Variants in PAPOLA observed in about 807,000 individuals in gnomAD.
PAPOLA encodes the protein poly(A) polymerase alpha.
A neutral mutation model predicts 100.6 loss-of-function variants in PAPOLA; 15 were observed. That is an observed-to-expected ratio of 0.15 (90% CI 0.10 to 0.23). The LOEUF (loss-of-function observed/expected upper bound fraction) is 0.23. Among genes scored for constraint, PAPOLA ranks in the 10% least tolerant of loss-of-function variants. PAPOLA has a pLI of 1.00. For synonymous variants in PAPOLA, 293 were observed against 300.0 expected, an observed-to-expected ratio of 0.98 and a Z score of 0.24; for missense variants, 533 against 884.2, an observed-to-expected ratio of 0.60 and a Z score of 5.04.
intron 7 of PAPOLA, 106 bp downstream of exon 7, chr14:96,531,692 A>T (rs1456747647): frequency 1.3e-6 from 2 of 1,523,472 alleles, no homozygotes; most frequent in Non-Finnish European, 1.8e-6. Context: ...TTGTTAACAC[A>T]GTAGTGAGTT....
intron 12 of PAPOLA, chr14:96,538,015 C>T (rs1213950413): frequency 6.6e-6 from 1 of 151,972 alleles, no homozygotes; most frequent in African/African-American, 2.4e-5. Context: ...ATAGCATAAT[C>T]ATTAAATACT....
intron 1 of PAPOLA, among the ~76,000 whole-genome samples, chr14:96,509,038 CTT>C (rs1471687615): frequency 2.0e-5 from 3 of 152,054 alleles, no homozygotes; most frequent in Non-Finnish European, 2.9e-5. Flanking sequence ...CAGTTGGAGT[CTT>C]TATTTATTTT....
In PAPOLA at chr14:96,535,860, T is replaced by C. The variant is rs756219196; in HGVS notation, c.910-19T>C. On this transcript the variant is annotated intron_variant, in intron 10 of 21. Transcript: ENST00000216277. ...TGCATATGTACTTGAAGAAACTGAT[T>C]GGCTGTTGTTGTATGTAGGTAAACC... 1 of 1,531,634 alleles carries C rather than the reference T, an allele frequency of 6.5e-7. No homozygotes were observed. The highest frequency in any genetic ancestry group is 2.0e-5 in the Admixed American group (1 of 50,756). The allele number at this position is 1,531,634 out of a possible 1,614,324, so 94.9% of individuals were successfully genotyped here.
intron 10 of PAPOLA, chr14:96,534,866 A>T (rs1899382398): frequency 2.8e-6 from 3 of 1,063,826 alleles, no homozygotes; most frequent in Admixed American, 4.9e-5. Flanking sequence ...TTTGTGCTTT[A>T]AAAAAAATAA....
At chr14:96,542,190 C>G in intron 12 of PAPOLA, 53 bp from the exon 13 acceptor site, 1 of 1,129,344 alleles carries the variant, frequency 8.9e-7, no homozygotes, top group African/African-American at 1.5e-5. Context: ...GGTTTAATAT[C>G]CAGCACAAAG....
rs1253650432 is a variant in PAPOLA at position 96,527,666 on chromosome 14, C to T, written c.441+127C>T. On this transcript the variant is annotated intron_variant, in intron 5 of 21. Transcript: ENST00000216277. ...TTGCCAAACCTTTCTAAACACTTGG[C>T]ATATGTGTTTGTGTTTTATTCTTTA... 7.9e-6 allele frequency: 5 copies of T among 633,162 alleles called. No homozygotes were observed. The East Asian group carries it at 1.1e-4, about 14-fold the overall frequency. The allele number at this position is 633,162 out of a possible 1,614,324, so 39.2% of individuals were successfully genotyped here.
At chr14:96,560,801 A>G (rs1034762193) in intron 20 of PAPOLA, 90 bp downstream of exon 20, 28 of 893,192 alleles carry the variant, frequency 3.1e-5, no homozygotes, top group African/African-American at 5.1e-5. Flanking sequence ...TTTTTGTGCT[A>G]TAGGTTTTAG....
At chr14:96,532,685 G>A in intron 9 of PAPOLA, 36 bp downstream of exon 9, 1 of 1,537,110 alleles carries the variant, frequency 6.5e-7, no homozygotes, top group Non-Finnish European at 8.7e-7. Context: ...AAAATTGATT[G>A]TAGACACTGA....
chr14:96,548,651 T>C (rs1258281408), intron 16 of PAPOLA, among the ~76,000 whole-genome samples: 1 of 152,180 alleles, frequency 6.6e-6, no homozygotes, highest in Non-Finnish European at 1.5e-5. Flanking sequence ...AAAAGGCACA[T>C]GTATGTATGT....
At chr14:96,527,034 G>C (rs1339494075) in intron 4 of PAPOLA, 2 of 158,654 alleles carry the variant, frequency 1.3e-5, no homozygotes, top group African/African-American at 4.8e-5. Context: ...TTAGGGGCCT[G>C]GTAGAGAACC....
intron 1 of PAPOLA, among the ~76,000 whole-genome samples, chr14:96,517,445 GTTTAT>G (rs1897558275): frequency 6.6e-6 from 1 of 152,074 alleles, no homozygotes; most frequent in African/African-American, 2.4e-5. Flanking sequence ...TAATGGATGC[GTTTAT>G]TACCTTGATT....
intron 6 of PAPOLA, among the ~76,000 whole-genome samples, chr14:96,531,079 T>C (rs891148017): frequency 6.6e-6 from 1 of 152,142 alleles, no homozygotes; most frequent in African/African-American, 2.4e-5. Flanking sequence ...CTCGGCTCAC[T>C]GCAGTTCTGC....
chr14:96,507,032 A>C (rs909305735), intron 1 of PAPOLA, among the ~76,000 whole-genome samples: 2 of 152,156 alleles, frequency 1.3e-5, no homozygotes, highest in Non-Finnish European at 2.9e-5. Flanking sequence ...TGGGAGGATT[A>C]TTTGAGCTTA....
chr14:96,521,150 C>A, intron 3 of PAPOLA, 78 bp downstream of exon 3: 2 of 746,496 alleles, frequency 2.7e-6, no homozygotes, highest in South Asian at 3.0e-5. Flanking sequence ...ATAACCTGTT[C>A]TTATTTGAGT....
chr14:96,521,706 T>C (rs1897978609), intron 3 of PAPOLA, among the ~76,000 whole-genome samples: 1 of 152,186 alleles, frequency 6.6e-6, no homozygotes, highest in African/African-American at 2.4e-5. Context: ...CTCAAACTCC[T>C]AGCCTCAAGC....
rs745439551 is a variant in PAPOLA at position 96,531,691 on chromosome 14, CAGTAGTG to C, written c.607+109_607+115del. ...GCTTTTTATAGCTATATTGTTAACA[CAGTAGTG>C]AGTTAAATAAAATGAACTTTGCCTA... On this transcript the variant is annotated intron_variant, in intron 7 of 21. Coordinates refer to ENST00000216277, the MANE Select transcript of PAPOLA (RefSeq NM_032632.5). 8.5e-6 allele frequency: 13 copies of C among 1,526,946 alleles called. No homozygotes were observed. In the South Asian group the frequency reaches 1.6e-4, roughly 19 times the overall value. 94.6% of individuals were successfully genotyped at this position (1,526,946 alleles called of 1,614,324 possible). A position where few individuals can be genotyped will look rare whatever the true frequency, so the allele number is the denominator to read the frequency against.
intron 1 of PAPOLA, among the ~76,000 whole-genome samples, chr14:96,516,910 A>T (rs1019363001): frequency 2.8e-4 from 42 of 152,300 alleles, no homozygotes; most frequent in African/African-American, 9.9e-4. Context: ...AGCATTGTTT[A>T]TTGTGACAAT....
chr14:96,542,822 G>A lies in PAPOLA; in HGVS notation c.1218G>A (p.Glu406=). 6.2e-7 allele frequency: 1 copy of A among 1,612,500 alleles called. No individual in the cohort carries two copies. Among genetic ancestry groups the A allele is most frequent in the East Asian group, 2.2e-5 (1 of 44,786 alleles). The change falls in exon 14 of 22, where the codon GAG becomes GAA. Residue 406 remains glutamate, a synonymous_variant. Transcript: ENST00000216277. ...TCCGAATCCTGGTTGGAAGCTTGGAGAAGAATGAATTTATTACACTGGCTC... is the reference window on the plus strand; with the variant it reads ...TCCGAATCCTGGTTGGAAGCTTGGAAAAGAATGAATTTATTACACTGGCTC... ...SKIRILVGSL[E]KNEFITLAHV... is the part of the protein sequence containing the mutation.
chr14:96,535,831 C>A, intron 10 of PAPOLA, 48 bp from the exon 11 acceptor site: 1 of 1,411,096 alleles, frequency 7.1e-7, no homozygotes, highest in Non-Finnish European at 9.3e-7. Flanking sequence ...GCCCAAGTAT[C>A]TGTTGCATAT....
Sources: gnomAD v4.1 joint callset for allele counts (sites outside exome capture counted in the v4.1 genomes callset) on GRCh38, gnomAD v4.1.1 for gene constraint, MANE v1.5 for transcripts, NCBI Gene and HGNC (gene_info 2026-07-23, HGNC 2026-07-21) for gene names.